Variants in PLEKHA2 observed in about 807,000 individuals in gnomAD.
The protein encoded by PLEKHA2 is pleckstrin homology domain containing A2.
A neutral mutation model predicts 53.2 loss-of-function variants in PLEKHA2; 28 were observed. That is an observed-to-expected ratio of 0.53 (90% confidence interval 0.39 to 0.72). PLEKHA2 has a LOEUF of 0.72. Ranked by LOEUF, PLEKHA2 falls within the 30% of genes least tolerant of loss-of-function variation. PLEKHA2 has a pLI of 0.00. For synonymous variants in PLEKHA2, 193 were observed against 196.4 expected, an observed-to-expected ratio of 0.98 and a Z score of 0.14; for missense variants, 426 against 537.9, an observed-to-expected ratio of 0.79 and a Z score of 2.06.
intron 2 of PLEKHA2, among the ~76,000 whole-genome samples, chr8:38,933,437 G>T (rs527283847): frequency 6.6e-6 from 1 of 152,234 alleles, no homozygotes; most frequent in East Asian, 1.9e-4. Context: ...CACTTGCAGG[G>T]CACTGCATTG....
At chr8:38,939,133 ACCTCAGGTGAT>A (rs1227827277) in intron 3 of PLEKHA2, among the ~76,000 whole-genome samples, 6 of 151,850 alleles carry the variant, frequency 4.0e-5, no homozygotes, top group African/African-American at 1.5e-4. Flanking sequence ...CGAACTCCTG[ACCTCAGGTGAT>A]CCGCCTGCCT....
chr8:38,925,532 T>A (rs1283876897), intron 2 of PLEKHA2, among the ~76,000 whole-genome samples: 2 of 152,388 alleles, frequency 1.3e-5, no homozygotes, highest in African/African-American at 4.8e-5. Flanking sequence ...GTAGTTGCTT[T>A]TACTTTCCAA....
intron 3 of PLEKHA2, among the ~76,000 whole-genome samples, chr8:38,939,162 C>T (rs557428079): frequency 1.3e-5 from 2 of 152,242 alleles, no homozygotes; most frequent in Non-Finnish European, 2.9e-5. Flanking sequence ...CCTTGGCCTC[C>T]CAAAGTGCTG....
At chr8:38,934,622 G>A (rs112837613) in intron 2 of PLEKHA2, among the ~76,000 whole-genome samples, 1,616 of 152,134 alleles carry the variant, frequency 0.011, 28 homozygotes, top group African/African-American at 0.038. Context: ...GACTGCCTTG[G>A]GTTTTCACTG....
intron 10 of PLEKHA2, chr8:38,960,917 T>C (rs1835029551): frequency 6.6e-6 from 1 of 152,246 alleles, no homozygotes. Flanking sequence ...ATAGATACTT[T>C]TTATCCATGC....
chr8:38,912,191 T>C (rs545851006), intron 1 of PLEKHA2, among the ~76,000 whole-genome samples: 1 of 151,952 alleles, frequency 6.6e-6, no homozygotes, highest in Admixed American at 6.5e-5. Flanking sequence ...TCCCAGCTAC[T>C]CTGGAGGCTG....
At chr8:38,933,786 A>G (rs73674645) in intron 2 of PLEKHA2, among the ~76,000 whole-genome samples, 2 of 140,928 alleles carry the variant, frequency 1.4e-5, no homozygotes, top group Non-Finnish European at 3.0e-5. Context: ...CCTAAAAAAA[A>G]AAAAAAAAGA....
At chr8:38,923,393 G>T (rs953582867) in intron 2 of PLEKHA2, among the ~76,000 whole-genome samples, 46 of 152,208 alleles carry the variant, frequency 3.0e-4, no homozygotes, top group Non-Finnish European at 1.0e-4. Context: ...TTTTAGTAGA[G>T]ATGGGGTTTC....
In PLEKHA2 at chr8:38,943,856, GA is replaced by G; in HGVS notation, c.247+20del. The G allele has an allele frequency of 6.4e-7, 1 of 1,563,458 alleles. No individual in the cohort carries two copies. ...TGCTTTGGTAAGTACTGAGCCAGGG[GA>G]GGGACTCATTTAATATTGACATGGC... On this transcript the variant is annotated intron_variant, in intron 4 of 11. Transcript: ENST00000617275.
At chr8:38,912,282 C>T (rs1217874056) in intron 1 of PLEKHA2, among the ~76,000 whole-genome samples, 1 of 152,112 alleles carries the variant, frequency 6.6e-6, no homozygotes, top group African/African-American at 2.4e-5. Context: ...CCAGCCTGGG[C>T]GACAAAAGCA....
intron 10 of PLEKHA2, among the ~76,000 whole-genome samples, chr8:38,959,860 G>C (rs1217652485): frequency 6.6e-6 from 1 of 152,236 alleles, no homozygotes; most frequent in Admixed American, 6.5e-5. Context: ...AGCATGGGAG[G>C]AGGAGCTGTT....
In PLEKHA2 at chr8:38,970,011, T is replaced by G. The variant is rs1163076476; in HGVS notation, c.*228T>G. ...ACGCAGTGTATTTAATTTGGGGAAG[T>G]CACTAGGTTAGAACTGTAGGCATAC... On this transcript the variant is annotated 3_prime_UTR_variant, in exon 12 of 12. Coordinates refer to ENST00000617275, the MANE Select transcript of PLEKHA2 (RefSeq NM_021623.2). 1.6e-6 allele frequency: 1 copy of G among 635,898 alleles called. No homozygotes were observed. Among genetic ancestry groups the G allele is most frequent in the East Asian group, 2.8e-5 (1 of 35,912 alleles). The allele number at this position is 635,898 out of a possible 1,614,324, so 39.4% of individuals were successfully genotyped here.
At position 38,973,584 on chromosome 8, in the gene PLEKHA2, A is replaced by T. The variant is rs1048524594; in HGVS notation, c.*3801A>T. 6.6e-6 allele frequency: 1 copy of T among 150,598 alleles called. No individual in the cohort carries two copies. The highest frequency in any genetic ancestry group is 1.5e-5 in the Non-Finnish European group (1 of 67,794). 9.3% of individuals were successfully genotyped at this position (150,598 alleles called of 1,614,324 possible). A position where few individuals can be genotyped will look rare whatever the true frequency, so the allele number is the denominator to read the frequency against. ...GGTTTGTTAAATCTTGTCTGCCAGC[A>T]CCCTTTTCTTCCTTTGTTCCTTTTC... On this transcript the variant is annotated 3_prime_UTR_variant, in exon 12 of 12. Coordinates refer to ENST00000617275, the MANE Select transcript of PLEKHA2 (RefSeq NM_021623.2).
Position 38,953,393 on chromosome 8 carries a change from T to C in PLEKHA2, c.773+26T>C. ...GTAATTGTGTCTGCTTTTTCTCTTCTAATCCAAACCTCCATTTGTCCTCTT... is the reference window on the plus strand; with the variant it reads ...GTAATTGTGTCTGCTTTTTCTCTTCCAATCCAAACCTCCATTTGTCCTCTT... On this transcript the variant is annotated intron_variant, in intron 9 of 11. Coordinates refer to ENST00000617275, the MANE Select transcript of PLEKHA2 (RefSeq NM_021623.2). The C allele has an allele frequency of 2.6e-6, 4 of 1,568,094 alleles. 1 individual carries two copies. In the South Asian group the frequency reaches 4.4e-5, roughly 17 times the overall value.
rs760621914 is a variant in PLEKHA2, at chr8:38,918,053, T to C, written c.124T>C (p.Tyr42His). Residue 42 changes from tyrosine to histidine, a missense_variant, in exon 2 of 12, where the codon TAT becomes CAT. Transcript: ENST00000617275. The stretch of plus-strand genomic sequence containing the variant: ...CACCCAGGCTAACTGCCTCCTCTGG[T>C]ATATGGACAACCCCCAGGTGAGAGG... The part of the protein sequence containing the change: ...LDTQANCLLW[Y>H]MDNPQNLAMG... 5.6e-6 allele frequency: 9 copies of C among 1,612,962 alleles called. No homozygotes were observed. Among genetic ancestry groups the C allele is most frequent in the Non-Finnish European group, 6.8e-6 (8 of 1,179,500 alleles).
intron 9 of PLEKHA2, among the ~76,000 whole-genome samples, chr8:38,954,185 A>G (rs536273484): frequency 5.3e-5 from 8 of 152,342 alleles, no homozygotes; most frequent in Admixed American, 3.3e-4. Context: ...CTCTTCTCCC[A>G]TGAAGGCACA....
intron 10 of PLEKHA2, among the ~76,000 whole-genome samples, chr8:38,967,560 T>C (rs1039815776): frequency 2.6e-5 from 4 of 152,228 alleles, no homozygotes; most frequent in African/African-American, 9.6e-5. Flanking sequence ...TGAGATGATT[T>C]TAATTTGCAT....
chr8:38,960,889 G>C (rs1835028800), intron 10 of PLEKHA2: 1 of 152,152 alleles, frequency 6.6e-6, no homozygotes, highest in African/African-American at 2.4e-5. Flanking sequence ...AAATCCATTG[G>C]TCAATTTTGC....
intron 2 of PLEKHA2, among the ~76,000 whole-genome samples, chr8:38,920,575 GTTTT>G (rs911420176): frequency 7.5e-6 from 1 of 134,148 alleles, no homozygotes; most frequent in Admixed American, 7.4e-5. Context: ...GCACCTGGCC[GTTTT>G]TTTTTTTTTC....
Sources: allele counts gnomAD v4.1 joint callset (sites outside exome capture counted in the v4.1 genomes callset), GRCh38; gene constraint gnomAD v4.1.1; transcripts MANE v1.5; gene names NCBI Gene and HGNC (gene_info 2026-07-23, HGNC 2026-07-21).